Variants in RSPO2 observed in about 807,000 individuals in gnomAD.
The protein encoded by RSPO2 is R-spondin 2, also known as R-spondin-2.
RSPO2 carries 14 observed loss-of-function variants against 30.9 expected under a neutral mutation model. The ratio of observed to expected loss-of-function variants is 0.45; its 90% CI spans 0.30 to 0.71. RSPO2 has a LOEUF of 0.71. RSPO2 is among the 30% of genes least tolerant of loss of function. RSPO2 has a pLI of 0.08. For missense variants in RSPO2, 264 were observed against 301.9 expected (o/e 0.87, Z 0.93); for synonymous variants, 107 against 96.4 (o/e 1.11, Z -0.64).
intron 2 of RSPO2, among the ~76,000 whole-genome samples, chr8:108,026,618 G>A (rs993840651): frequency 6.6e-6 from 1 of 152,122 alleles, no homozygotes; most frequent in African/African-American, 2.4e-5. Context: ...TTTAATCCCA[G>A]CACTTTGGGA....
chr8:107,933,460 A>G (rs960178398), intron 5 of RSPO2, among the ~76,000 whole-genome samples: 2 of 152,170 alleles, frequency 1.3e-5, no homozygotes, highest in Non-Finnish European at 2.9e-5. Flanking sequence ...ATATAAATTT[A>G]TCACCCTCTC....
At chr8:107,989,364 A>T (rs898626969) in intron 2 of RSPO2, 120 bp from the exon 3 acceptor site, 4 of 630,002 alleles carry the variant, frequency 6.3e-6, no homozygotes, top group Non-Finnish European at 2.5e-6. Flanking sequence ...GAAATACTAA[A>T]TAAAATATCC....
At chr8:108,082,933 C>G (rs1813258503) in intron 1 of RSPO2, 126 bp from the exon 2 acceptor site, 2 of 379,146 alleles carry the variant, frequency 5.3e-6, no homozygotes, top group South Asian at 5.8e-5. Context: ...CTGCCTAGCA[C>G]GAGCCGCGGA....
At chr8:107,963,592 C>T (rs1813703344) in intron 3 of RSPO2, among the ~76,000 whole-genome samples, 1 of 133,236 alleles carries the variant, frequency 7.5e-6, no homozygotes. Context: ...AATAAAACTA[C>T]GTATGTGTGC....
intron 5 of RSPO2, among the ~76,000 whole-genome samples, chr8:107,949,159 AC>A (rs1041224087): frequency 1.3e-4 from 19 of 150,680 alleles, no homozygotes; most frequent in African/African-American, 3.7e-4. Context: ...TTTATCCCTC[AC>A]CCCCTTCCCC....
chr8:107,969,853 T>C (rs556479569), intron 3 of RSPO2, among the ~76,000 whole-genome samples: 1 of 152,310 alleles, frequency 6.6e-6, no homozygotes, highest in African/African-American at 2.4e-5. Flanking sequence ...GCTTTTCCTT[T>C]TTTGGTAACT....
chr8:108,082,842 G>A (rs1813252659), intron 1 of RSPO2, 35 bp from the exon 2 acceptor site: 3 of 538,810 alleles, frequency 5.6e-6, no homozygotes, highest in Admixed American at 3.3e-5. Context: ...GGTGTGTGGG[G>A]GATGGAGAGA....
chr8:108,056,020 T>C (rs779920775), intron 2 of RSPO2, among the ~76,000 whole-genome samples: 2 of 152,180 alleles, frequency 1.3e-5, no homozygotes, highest in Non-Finnish European at 2.9e-5. Context: ...CTCAGATTCA[T>C]CTTTAAGATG....
In RSPO2 at chr8:107,952,596, T is replaced by A. The variant is rs566300678; in HGVS notation, c.616+5484A>T. ...GGTGACATGTATAAAGCAGACCACA[T>A]AAATTGTGACTCAAATGTAAACAAA... On this transcript the variant is annotated intron_variant, in intron 5 of 5. Transcript: ENST00000276659. 4.6e-5 allele frequency among the ~76,000 whole-genome samples: 7 copies of A among 152,292 alleles called. No homozygotes were observed. The East Asian group carries it at 1.4e-3, about 29-fold the overall frequency.
At chr8:108,079,259 AGTATT>A (rs1813110917) in intron 2 of RSPO2, among the ~76,000 whole-genome samples, 1 of 152,194 alleles carries the variant, frequency 6.6e-6, no homozygotes, top group African/African-American at 2.4e-5. Flanking sequence ...ATTCATTGTC[AGTATT>A]GTATTGTGTT....
intron 2 of RSPO2, among the ~76,000 whole-genome samples, chr8:108,057,436 A>G (rs1487948825): frequency 6.6e-6 from 1 of 152,134 alleles, no homozygotes; most frequent in East Asian, 1.9e-4. Context: ...TTTTGGGCTT[A>G]TATTCATTTT....
At chr8:107,907,110 T>C (rs1811672695) in intron 5 of RSPO2, among the ~76,000 whole-genome samples, 1 of 152,038 alleles carries the variant, frequency 6.6e-6, no homozygotes, top group South Asian at 2.1e-4. Flanking sequence ...ATTATTTTTA[T>C]TTTACTTATT....
At chr8:108,035,692 C>T (rs979030805) in intron 2 of RSPO2, among the ~76,000 whole-genome samples, 1 of 151,982 alleles carries the variant, frequency 6.6e-6, no homozygotes, top group African/African-American at 2.4e-5. Context: ...AGGATGGTTT[C>T]GATCTCCTGA....
At chr8:108,082,025 G>T in intron 2 of RSPO2, 1 of 522,962 alleles carries the variant, frequency 1.9e-6, no homozygotes, top group Non-Finnish European at 2.5e-6. Context: ...CCCAAGCTCC[G>T]GAATACAGAC....
intron 2 of RSPO2, among the ~76,000 whole-genome samples, chr8:108,073,818 T>C (rs1812928301): frequency 6.6e-6 from 1 of 152,228 alleles, no homozygotes; most frequent in South Asian, 2.1e-4. Context: ...CAGTGTGGCT[T>C]CATATTGTTA....
chr8:108,034,515 A>T (rs1291726666), intron 2 of RSPO2, among the ~76,000 whole-genome samples: 1 of 152,238 alleles, frequency 6.6e-6, no homozygotes, highest in Non-Finnish European at 1.5e-5. Flanking sequence ...GCCTGAGACA[A>T]AAGGGAGAGG....
In RSPO2 at chr8:108,062,236, A is replaced by T. The variant is rs186843244; in HGVS notation, c.94+20309T>A. ...CATAAAAAACCCTTCAAAAAAATCA[A>T]TGAATCCAGGAACTGGTTTTTTGAA... is the stretch of plus-strand genomic sequence containing the variant. On this transcript the variant is annotated intron_variant, in intron 2 of 5. Coordinates refer to ENST00000276659, the MANE Select transcript of RSPO2 (RefSeq NM_178565.5). Among the ~76,000 whole-genome samples the T allele has an allele frequency of 7.2e-4, 109 of 152,016 alleles. 1 individual carries two copies. The East Asian group carries it at 0.018, about 26-fold the overall frequency.
chr8:107,984,903 C>CG (rs1814572813), intron 3 of RSPO2, among the ~76,000 whole-genome samples: 1 of 152,124 alleles, frequency 6.6e-6, no homozygotes, highest in African/African-American at 2.4e-5. Context: ...TTCTTGACAT[C>CG]AGTGGGAGTT....
At chr8:107,913,659 T>G (rs912443864) in intron 5 of RSPO2, among the ~76,000 whole-genome samples, 1 of 152,194 alleles carries the variant, frequency 6.6e-6, no homozygotes, top group Non-Finnish European at 1.5e-5. Flanking sequence ...CTGGATTATC[T>G]TGATACTAAA....
Sources: allele counts gnomAD v4.1 joint callset (sites outside exome capture counted in the v4.1 genomes callset), GRCh38; gene constraint gnomAD v4.1.1; transcripts MANE v1.5; gene names NCBI Gene and HGNC (gene_info 2026-07-23, HGNC 2026-07-21).